The following LINGO2 variants were observed in gnomAD, a reference collection of about 807,000 sequenced individuals.
The protein encoded by LINGO2 is leucine rich repeat and Ig domain containing 2.
Under a neutral mutation model 30.6 loss-of-function variants are expected in LINGO2, and 14 were observed. The ratio of observed to expected loss-of-function variants is 0.46; its 90% confidence interval spans 0.30 to 0.72. The LOEUF is 0.72. Among genes scored for constraint, LINGO2 ranks in the 30% least tolerant of loss-of-function variants. The pLI, the probability that LINGO2 is intolerant of heterozygous loss-of-function variation, is 0.07. For missense variants in LINGO2, 729 were observed against 751.7 expected, an observed-to-expected ratio of 0.97 and a Z score of 0.35; for synonymous variants, 317 against 288.5, an observed-to-expected ratio of 1.10 and a Z score of -1.00.
At chr9:28,055,367 A>C (rs1824878544) in intron 4 of LINGO2, among the ~76,000 whole-genome samples, 1 of 152,116 alleles carries the variant, frequency 6.6e-6, no homozygotes, top group Admixed American at 6.6e-5. Context: ...TAAACTCTAA[A>C]CAAGCTTCAG....
At chr9:28,707,763 G>A in the LINGO2 span, among the ~76,000 whole-genome samples, 1 of 152,026 alleles carries the variant, frequency 6.6e-6, no homozygotes, top group African/African-American at 2.4e-5. Flanking sequence ...TATTGTCGGG[G>A]TGGTGAAGGG....
At chr9:28,603,153 A>C (rs1189220307) in intron 1 of LINGO2, among the ~76,000 whole-genome samples, 4 of 152,096 alleles carry the variant, frequency 2.6e-5, no homozygotes, top group Non-Finnish European at 4.4e-5. Context: ...GTGTTTTGAT[A>C]ATCTGTAGAA....
intron 3 of LINGO2, among the ~76,000 whole-genome samples, chr9:28,310,811 C>A (rs540868083): frequency 6.6e-6 from 1 of 152,246 alleles, no homozygotes; most frequent in South Asian, 2.1e-4. Context: ...AAAGTTAAAT[C>A]TCTTCTATCT....
At chr9:28,220,755 C>A (rs532468562) in intron 4 of LINGO2, among the ~76,000 whole-genome samples, 2 of 152,038 alleles carry the variant, frequency 1.3e-5, no homozygotes, top group Non-Finnish European at 2.9e-5. Flanking sequence ...TGCCTACCAT[C>A]GGTCTCCAGA....
At chr9:29,067,749 T>G in the LINGO2 span, among the ~76,000 whole-genome samples, 2 of 128,726 alleles carry the variant, frequency 1.6e-5, no homozygotes, top group African/African-American at 5.9e-5. Flanking sequence ...CAAGGAGTAT[T>G]TAAATGAAAA....
chr9:28,136,887 T>C (rs2133472179), intron 4 of LINGO2, among the ~76,000 whole-genome samples: 1 of 152,274 alleles, frequency 6.6e-6, no homozygotes, highest in East Asian at 1.9e-4. Context: ...GTGGCCCTCA[T>C]TCCATCTGCT....
At chr9:28,392,183 C>G (rs1304443740) in intron 2 of LINGO2, among the ~76,000 whole-genome samples, 1 of 152,170 alleles carries the variant, frequency 6.6e-6, no homozygotes, top group Non-Finnish European at 1.5e-5. Context: ...AGCCTGGTGA[C>G]AGAGCGAGGC....
intron 1 of LINGO2, among the ~76,000 whole-genome samples, chr9:28,614,461 C>T (rs1826049648): frequency 6.6e-6 from 1 of 152,066 alleles, no homozygotes; most frequent in Admixed American, 6.6e-5. Flanking sequence ...AGGTAAGTTT[C>T]TTTCACATTA....
At chr9:28,244,159 G>C (rs1264942758) in intron 4 of LINGO2, among the ~76,000 whole-genome samples, 1 of 152,132 alleles carries the variant, frequency 6.6e-6, no homozygotes, top group East Asian at 1.9e-4. Context: ...TTAGAACTCA[G>C]AATTAAGAAA....
the LINGO2 span, among the ~76,000 whole-genome samples, chr9:28,878,790 C>T: frequency 2.0e-5 from 3 of 152,098 alleles, no homozygotes; most frequent in East Asian, 3.9e-4. Context: ...TTTCAACAAC[C>T]CTTCATGCTA....
chr9:28,472,527 G>A (rs575682542), intron 2 of LINGO2, among the ~76,000 whole-genome samples: 16 of 152,048 alleles, frequency 1.1e-4, no homozygotes, highest in East Asian at 1.9e-4. Flanking sequence ...TTGTCCTAAC[G>A]TTTAAAGAAT....
intron 2 of LINGO2, among the ~76,000 whole-genome samples, chr9:28,436,929 A>C (rs531824978): frequency 6.6e-6 from 1 of 152,264 alleles, no homozygotes; most frequent in African/African-American, 2.4e-5. Flanking sequence ...GGGTCATATG[A>C]TACGAGCTGC....
the LINGO2 span, among the ~76,000 whole-genome samples, chr9:28,715,785 G>A: frequency 3.3e-5 from 5 of 152,034 alleles, no homozygotes; most frequent in African/African-American, 4.8e-5. Context: ...GGCAGGAGTT[G>A]AAGAATAACT....
chr9:28,900,487 T>G, the LINGO2 span, among the ~76,000 whole-genome samples: 1 of 152,058 alleles, frequency 6.6e-6, no homozygotes, highest in Non-Finnish European at 1.5e-5. Context: ...GACACACCAT[T>G]ACAGACCCAA....
chr9:28,359,007 G>A (rs555638840), intron 3 of LINGO2, among the ~76,000 whole-genome samples: 1 of 152,250 alleles, frequency 6.6e-6, no homozygotes, highest in Admixed American at 6.5e-5. Context: ...AGACACCAGA[G>A]AGATTGAGGA....
Position 28,669,166 on chromosome 9 carries a change from C to T in LINGO2, c.-365+1034G>A, listed in dbSNP as rs375235016. Among the ~76,000 whole-genome samples, 35 of 152,088 alleles carry T rather than the reference C, an allele frequency of 2.3e-4. No homozygotes were observed. In the South Asian group the frequency reaches 3.1e-3, roughly 14 times the overall value. On this transcript the variant is annotated intron_variant, in intron 1 of 5. Coordinates refer to ENST00000379992, the Ensembl canonical transcript of LINGO2. Reference sequence around the variant, plus strand: ...AGATCCCATCCTAGACTAATGTGTACGTGTATTTGTGTTTCTATGTATGTA... The same window carrying T: ...AGATCCCATCCTAGACTAATGTGTATGTGTATTTGTGTTTCTATGTATGTA...
the LINGO2 span, among the ~76,000 whole-genome samples, chr9:29,041,842 T>C: frequency 5.8e-4 from 88 of 152,078 alleles, 1 homozygote; most frequent in South Asian, 3.3e-3. Flanking sequence ...CCAAAGCTCA[T>C]GTTGAAAGGA....
the LINGO2 span, among the ~76,000 whole-genome samples, chr9:29,199,354 G>A: frequency 6.6e-6 from 1 of 151,970 alleles, no homozygotes; most frequent in Non-Finnish European, 1.5e-5. Context: ...ATTTTTTATA[G>A]CATTCACATC....
intron 1 of LINGO2, among the ~76,000 whole-genome samples, chr9:28,646,489 G>A (rs1480447163): frequency 6.6e-6 from 1 of 152,024 alleles, no homozygotes; most frequent in African/African-American, 2.4e-5. Context: ...TTGAGAAAGT[G>A]AAAGAAACCA....
Sources: allele counts gnomAD v4.1 joint callset (sites outside exome capture counted in the v4.1 genomes callset), GRCh38; gene constraint gnomAD v4.1.1; transcripts MANE v1.5; gene names NCBI Gene and HGNC (gene_info 2026-07-23, HGNC 2026-07-21).